Variants in LYPD6 observed in about 807,000 individuals in gnomAD.
LYPD6 encodes ly6/PLAUR domain-containing protein 6.
In LYPD6, 15 loss-of-function variants were observed where a neutral mutation model predicts 22.7. The observed-to-expected ratio is 0.66, with a 90% CI of 0.44 to 1.02. The LOEUF is 1.02. Ranked by LOEUF, LYPD6 falls within the 50% of genes least tolerant of loss-of-function variation. The probability of loss-of-function intolerance (pLI) is 0.00; values close to 1 mark genes in which losing one functional copy is unlikely to be tolerated. For missense variants in LYPD6, 189 were observed against 208.4 expected, an observed-to-expected ratio of 0.91 and a Z score of 0.57; for synonymous variants, 72 against 77.5, an observed-to-expected ratio of 0.93 and a Z score of 0.37.
chr2:149,481,197 GAGTA>G, the LYPD6 span, among the ~76,000 whole-genome samples: 3 of 152,210 alleles, frequency 2.0e-5, no homozygotes, highest in Non-Finnish European at 2.9e-5. Context: ...GAGGAAGAAA[GAGTA>G]AGGGGCAATC....
At chr2:149,331,166 C>G (rs1680930689) in intron 1 of LYPD6, among the ~76,000 whole-genome samples, 1 of 152,148 alleles carries the variant, frequency 6.6e-6, no homozygotes. Flanking sequence ...TGGCGGTAGC[C>G]CGGCTGCGGC....
chr2:149,464,891 T>C (rs1325463082), intron 3 of LYPD6, among the ~76,000 whole-genome samples: 1 of 152,080 alleles, frequency 6.6e-6, no homozygotes, highest in Non-Finnish European at 1.5e-5. Context: ...GGAGGTACAA[T>C]ATCCCAGGAG....
chr2:149,437,765 T>C lies in LYPD6; in HGVS notation c.57T>C (p.Cys19=), dbSNP rs1558807910. 1 of 1,614,198 alleles carries C rather than the reference T, an allele frequency of 6.2e-7. No homozygotes were observed. Among genetic ancestry groups the C allele is most frequent in the South Asian group, 1.1e-5 (1 of 91,084 alleles). Residue 19 remains cysteine, a synonymous_variant, in exon 2 of 5, where the codon TGT becomes TGC. Coordinates refer to ENST00000334166, the MANE Select transcript of LYPD6 (RefSeq NM_194317.5). ...TGCTCCTGAGCCTGCTGGCGGATTG[T>C]CTGAAAGCTGCTCAGTCCCGAGACT... is the stretch of plus-strand genomic sequence containing the variant. The part of the protein sequence containing the change: ...WLLLLSLLAD[C]LKAAQSRDFT...
At chr2:149,445,576 A>T (rs1300689999) in intron 2 of LYPD6, among the ~76,000 whole-genome samples, 1 of 152,194 alleles carries the variant, frequency 6.6e-6, no homozygotes, top group African/African-American at 2.4e-5. Context: ...ATTATACCTT[A>T]TGATTTTATG....
chr2:149,468,304 C>T (rs1573833114), intron 3 of LYPD6, among the ~76,000 whole-genome samples: 2 of 152,202 alleles, frequency 1.3e-5, no homozygotes, highest in Middle Eastern at 6.8e-3. Context: ...ATTGCTATGA[C>T]TTATACCTCT....
At chr2:149,369,195 C>A (rs575109248) in intron 1 of LYPD6, among the ~76,000 whole-genome samples, 1 of 152,144 alleles carries the variant, frequency 6.6e-6, no homozygotes, top group African/African-American at 2.4e-5. Context: ...CCCGGGGTTA[C>A]AGGCCACGGG....
intron 1 of LYPD6, among the ~76,000 whole-genome samples, chr2:149,428,727 G>A (rs1241447594): frequency 3.9e-5 from 6 of 152,218 alleles, no homozygotes; most frequent in Non-Finnish European, 5.9e-5. Context: ...ACCCGTTCCC[G>A]TAAGAAGGGG....
At chr2:149,348,061 C>CAAAAAAAAAAAAA (rs58228847) in intron 1 of LYPD6, among the ~76,000 whole-genome samples, 81 of 76,524 alleles carry the variant, frequency 1.1e-3, no homozygotes, top group Admixed American at 2.9e-3. Flanking sequence ...ACTAAAAATA[C>CAAAAAAAAAAAAA]AAAAAAAAAA....
chr2:149,392,236 A>G (rs536280829), intron 1 of LYPD6, among the ~76,000 whole-genome samples: 1 of 152,274 alleles, frequency 6.6e-6, no homozygotes, highest in East Asian at 1.9e-4. Flanking sequence ...CACATCTCCA[A>G]ATACCGTCAC....
chr2:149,408,968 G>A (rs1204387462), intron 1 of LYPD6, among the ~76,000 whole-genome samples: 1 of 152,106 alleles, frequency 6.6e-6, no homozygotes, highest in Admixed American at 6.5e-5. Context: ...TGATCTTTTG[G>A]GGGTGTTAAC....
chr2:149,338,811 G>C (rs1681106143), intron 1 of LYPD6, among the ~76,000 whole-genome samples: 1 of 152,166 alleles, frequency 6.6e-6, no homozygotes, highest in African/African-American at 2.4e-5. Context: ...TCCAATATTA[G>C]CTTAATAAGG....
intron 1 of LYPD6, among the ~76,000 whole-genome samples, chr2:149,342,535 T>C (rs1031424077): frequency 6.6e-6 from 1 of 152,180 alleles, no homozygotes; most frequent in Admixed American, 6.5e-5. Context: ...GAGGCCAATA[T>C]AGCAAATTTA....
At chr2:149,371,935 A>C (rs527615720) in intron 1 of LYPD6, among the ~76,000 whole-genome samples, 1 of 152,232 alleles carries the variant, frequency 6.6e-6, no homozygotes, top group South Asian at 2.1e-4. Flanking sequence ...CAAGTCCTTA[A>C]GCCCTTCCAC....
rs60615549 is a variant in LYPD6, at chr2:149,354,919, G to A, written c.-72+24197G>A. ...GCAGATTTGTTTGCCTTGAAAGCTC[G>A]TGAGCCCTGAGAATTGGGGCATTTA... On this transcript the variant is annotated intron_variant, in intron 1 of 4. Transcript: ENST00000334166. Among the ~76,000 whole-genome samples the A allele has an allele frequency of 3.1e-3, 479 of 152,260 alleles. 3 individuals carry two copies. Among genetic ancestry groups the A allele is most frequent in the African/African-American group, 0.011 (447 of 41,554 alleles).
chr2:149,412,440 C>T (rs1468641080), intron 1 of LYPD6, among the ~76,000 whole-genome samples: 1 of 151,552 alleles, frequency 6.6e-6, no homozygotes, highest in Admixed American at 6.6e-5. Context: ...GTTCCCATAC[C>T]TGGAAATCCT....
intron 1 of LYPD6, among the ~76,000 whole-genome samples, chr2:149,383,943 T>C (rs574420039): frequency 1.3e-5 from 2 of 152,314 alleles, no homozygotes; most frequent in African/African-American, 2.4e-5. Context: ...AGTCAATCAG[T>C]CTTCCTTTGG....
intron 1 of LYPD6, among the ~76,000 whole-genome samples, chr2:149,331,501 G>T (rs1228606410): frequency 6.6e-6 from 1 of 152,100 alleles, no homozygotes; most frequent in East Asian, 1.9e-4. Context: ...TATCTGCCCT[G>T]CTCCTCACTG....
At chr2:149,480,009 T>G in the LYPD6 span, among the ~76,000 whole-genome samples, 1 of 148,608 alleles carries the variant, frequency 6.7e-6, no homozygotes, top group South Asian at 2.1e-4. Flanking sequence ...TGCTTTCCTT[T>G]TTTCTCTCTC....
At chr2:149,463,587 TC>T in intron 3 of LYPD6, among the ~76,000 whole-genome samples, 1 of 152,304 alleles carries the variant, frequency 6.6e-6, no homozygotes, top group Non-Finnish European at 1.5e-5. Flanking sequence ...ACACAAATGT[TC>T]ATGGTAGCTT....
Sources: allele counts gnomAD v4.1 joint callset (sites outside exome capture counted in the v4.1 genomes callset), GRCh38; gene constraint gnomAD v4.1.1; transcripts MANE v1.5; gene names NCBI Gene and HGNC (gene_info 2026-07-23, HGNC 2026-07-21).